The following RBFOX1 variants were observed in gnomAD, a reference collection of about 807,000 sequenced individuals.
RBFOX1 encodes RNA binding fox-1 homolog 1, also known as RNA binding protein fox-1 homolog 1.
In RBFOX1, 8 loss-of-function variants were observed where a neutral mutation model predicts 57.7. That is an observed-to-expected ratio of 0.14 (90% CI 0.08 to 0.25). RBFOX1 has a LOEUF of 0.25. Among genes scored for constraint, RBFOX1 ranks in the 10% least tolerant of loss-of-function variants. RBFOX1 has a pLI of 1.00. For missense variants in RBFOX1, 611 were observed against 548.5 expected (o/e 1.11, Z -1.14); for synonymous variants, 326 against 222.4 (o/e 1.47, Z -4.15).
intron 1 of RBFOX1, chr16:6,057,197 A>C (rs2095625164): frequency 6.6e-6 from 1 of 152,164 alleles, no homozygotes; most frequent in African/African-American, 2.4e-5. Context: ...GCTAAGTACT[A>C]ATGTTGATAT....
Position 6,206,171 on chromosome 16 carries a change from T to A in RBFOX1, c.-126-110824T>A, listed in dbSNP as rs560983688. Reference sequence around the variant, plus strand: ...TTCTTACTATGATTTGAGCCTCCTCTCTTGCCTCTCTCCCCTGGCTCACTT... The same window carrying A: ...TTCTTACTATGATTTGAGCCTCCTCACTTGCCTCTCTCCCCTGGCTCACTT... On this transcript the variant is annotated intron_variant, in intron 1 of 15. Coordinates refer to ENST00000550418, the MANE Select transcript of RBFOX1 (RefSeq NM_018723.4). Among the ~76,000 whole-genome samples, 3 of 152,284 alleles carry A rather than the reference T, an allele frequency of 2.0e-5. No homozygotes were observed. In the East Asian group the frequency reaches 5.8e-4, roughly 29 times the overall value.
chr16:6,635,410 C>G (rs1437379452), intron 2 of RBFOX1, among the ~76,000 whole-genome samples: 2 of 151,938 alleles, frequency 1.3e-5, no homozygotes, highest in Admixed American at 6.6e-5. Flanking sequence ...CCATGCAGGA[C>G]CAAAGACTTG....
At chr16:7,300,231 C>A (rs1040516655) in intron 4 of RBFOX1, among the ~76,000 whole-genome samples, 54 of 151,946 alleles carry the variant, frequency 3.6e-4, no homozygotes, top group Admixed American at 9.8e-4. Context: ...CCCCCACCCA[C>A]TAGAATGTAA....
At chr16:7,637,500 G>A (rs2061966623) in intron 11 of RBFOX1, among the ~76,000 whole-genome samples, 1 of 152,102 alleles carries the variant, frequency 6.6e-6, no homozygotes, top group Admixed American at 6.5e-5. Context: ...AATCAGGCCT[G>A]TACTATTTTA....
intron 3 of RBFOX1, among the ~76,000 whole-genome samples, chr16:6,988,372 A>C (rs2090747038): frequency 6.6e-6 from 1 of 152,106 alleles, no homozygotes; most frequent in South Asian, 2.1e-4. Context: ...CTGTTTACTT[A>C]TGGTTATTGA....
At chr16:6,119,851 T>C (rs914497604) in intron 1 of RBFOX1, among the ~76,000 whole-genome samples, 5 of 152,196 alleles carry the variant, frequency 3.3e-5, no homozygotes, top group Non-Finnish European at 7.3e-5. Flanking sequence ...ACATTCGTAA[T>C]GTTATGCAAC....
chr16:6,020,492 T>G (rs1225005304), intron 1 of RBFOX1, among the ~76,000 whole-genome samples: 1 of 152,006 alleles, frequency 6.6e-6, no homozygotes, highest in Admixed American at 6.5e-5. Context: ...AAGGCTCACT[T>G]ATGTGGAGAA....
At chr16:5,558,874 A>T (rs1331911161) in intron 2 of RBFOX1, among the ~76,000 whole-genome samples, 1 of 152,124 alleles carries the variant, frequency 6.6e-6, no homozygotes, top group African/African-American at 2.4e-5. Context: ...CAAGAGAGAC[A>T]CCTGGAGAAC....
chr16:6,878,902 C>T lies in RBFOX1; in HGVS notation c.-15-173155C>T, dbSNP rs373958765. Among the ~76,000 whole-genome samples, 24 of 152,194 alleles carry T rather than the reference C, an allele frequency of 1.6e-4. No homozygotes were observed. In the South Asian group the frequency reaches 5.0e-3, roughly 32 times the overall value. ...TTGATAGTTCTCCCAGTACCATCTT[C>T]AAGTTAAAGAAAAGGGTAGGATTTT... On this transcript the variant is annotated intron_variant, in intron 3 of 15. Coordinates refer to ENST00000550418, the MANE Select transcript of RBFOX1 (RefSeq NM_018723.4).
chr16:5,949,868 G>C (rs926905799), intron 4 of RBFOX1, among the ~76,000 whole-genome samples: 3 of 152,172 alleles, frequency 2.0e-5, no homozygotes, highest in Non-Finnish European at 2.9e-5. Flanking sequence ...GGGATTCTGA[G>C]ACAAGCTCAA....
intron 2 of RBFOX1, among the ~76,000 whole-genome samples, chr16:6,574,242 G>A (rs1374767856): frequency 6.6e-6 from 1 of 151,846 alleles, no homozygotes; most frequent in African/African-American, 2.4e-5. Context: ...TCCAGCATAC[G>A]GCTTAACTGA....
intron 4 of RBFOX1, among the ~76,000 whole-genome samples, chr16:7,407,787 A>G (rs2098371635): frequency 6.6e-6 from 1 of 152,118 alleles, no homozygotes; most frequent in African/African-American, 2.4e-5. Flanking sequence ...CTATTCCATT[A>G]CACTCTGGTG....
intron 3 of RBFOX1, among the ~76,000 whole-genome samples, chr16:6,675,048 G>A (rs989172026): frequency 6.6e-6 from 1 of 152,060 alleles, no homozygotes; most frequent in African/African-American, 2.4e-5. Context: ...TGGGACTACA[G>A]GTATGTGCCA....
At chr16:6,125,005 C>T (rs918184105) in intron 1 of RBFOX1, among the ~76,000 whole-genome samples, 1 of 152,124 alleles carries the variant, frequency 6.6e-6, no homozygotes, top group African/African-American at 2.4e-5. Flanking sequence ...CTTTGGAAGC[C>T]TCCAACCCAG....
At chr16:5,329,790 G>T (rs2064695178) in intron 1 of RBFOX1, among the ~76,000 whole-genome samples, 1 of 152,124 alleles carries the variant, frequency 6.6e-6, no homozygotes, top group South Asian at 2.1e-4. Context: ...AGGAGGTCAG[G>T]AGATCGAGAC....
chr16:6,810,796 C>G (rs1354960990), intron 3 of RBFOX1, among the ~76,000 whole-genome samples: 1 of 152,042 alleles, frequency 6.6e-6, no homozygotes, highest in African/African-American at 2.4e-5. Context: ...TCAGATCTCG[C>G]CAGAAGTCAC....
intron 3 of RBFOX1, among the ~76,000 whole-genome samples, chr16:6,771,717 C>T (rs76103210): frequency 0.012 from 1,818 of 152,268 alleles, 21 homozygotes; most frequent in Non-Finnish European, 0.017. Flanking sequence ...ATGCTACTGG[C>T]GTCTAGCGGG....
intron 1 of RBFOX1, among the ~76,000 whole-genome samples, chr16:5,463,374 C>T (rs1332033350): frequency 6.6e-6 from 1 of 152,130 alleles, no homozygotes. Flanking sequence ...CTTTATTCTC[C>T]TCTGTCTGCT....
intron 4 of RBFOX1, among the ~76,000 whole-genome samples, chr16:7,508,623 G>A (rs779171648): frequency 6.6e-6 from 1 of 152,142 alleles, no homozygotes; most frequent in Non-Finnish European, 1.5e-5. Flanking sequence ...AAATGGAAAC[G>A]TAAGGACGGG....
Sources: allele counts gnomAD v4.1 joint callset (sites outside exome capture counted in the v4.1 genomes callset), GRCh38; gene constraint gnomAD v4.1.1; transcripts MANE v1.5; gene names NCBI Gene and HGNC (gene_info 2026-07-23, HGNC 2026-07-21).